MDGA2: variants seen among roughly 807,000 people sequenced by gnomAD.
The protein encoded by MDGA2 is MAM domain-containing glycosylphosphatidylinositol anchor protein 2.
MDGA2 carries 40 observed loss-of-function variants against 117.8 expected under a neutral mutation model. The ratio of observed to expected loss-of-function variants is 0.34; its 90% CI spans 0.26 to 0.44. MDGA2 has a LOEUF of 0.44. Ranked by LOEUF, MDGA2 falls within the 20% of genes least tolerant of loss-of-function variation. MDGA2 has a pLI of 1.00. For missense variants in MDGA2, 1,123 were observed against 1,250.6 expected (o/e 0.90, Z 1.54); for synonymous variants, 452 against 439.0 (o/e 1.03, Z -0.37).
chr14:46,890,541 C>T (rs1027039294), intron 10 of MDGA2, among the ~76,000 whole-genome samples: 16 of 152,018 alleles, frequency 1.1e-4, no homozygotes, highest in Admixed American at 1.3e-4. Flanking sequence ...AACACAGCAG[C>T]CCTCAGGTAA....
At chr14:47,044,386 G>A (rs909855833) in intron 7 of MDGA2, among the ~76,000 whole-genome samples, 2 of 152,070 alleles carry the variant, frequency 1.3e-5, no homozygotes, top group Non-Finnish European at 2.9e-5. Flanking sequence ...TGGTAATATT[G>A]AGTAATTTGT....
At chr14:47,557,109 T>C (rs1202521107) in intron 1 of MDGA2, among the ~76,000 whole-genome samples, 1 of 152,188 alleles carries the variant, frequency 6.6e-6, no homozygotes, top group Admixed American at 6.5e-5. Context: ...GCATAGTTCA[T>C]TTTATTTTTG....
intron 1 of MDGA2, among the ~76,000 whole-genome samples, chr14:47,619,938 C>A (rs1897020131): frequency 6.6e-6 from 1 of 152,220 alleles, no homozygotes; most frequent in African/African-American, 2.4e-5. Flanking sequence ...CTCATCCCAG[C>A]ACACAGCCAT....
intron 3 of MDGA2, among the ~76,000 whole-genome samples, chr14:47,168,370 T>C (rs1332748761): frequency 6.6e-6 from 1 of 151,758 alleles, no homozygotes; most frequent in African/African-American, 2.4e-5. Context: ...CTATATTCTA[T>C]ATAATTTTTC....
intron 1 of MDGA2, among the ~76,000 whole-genome samples, chr14:47,529,946 G>T (rs911599144): frequency 1.3e-5 from 2 of 152,204 alleles, no homozygotes; most frequent in Admixed American, 6.5e-5. Context: ...CGGAATAAAA[G>T]ATGAAATCCT....
intron 3 of MDGA2, among the ~76,000 whole-genome samples, chr14:47,150,583 T>C (rs1211571968): frequency 1.3e-5 from 2 of 152,120 alleles, no homozygotes; most frequent in African/African-American, 4.8e-5. Context: ...TACCTATCCT[T>C]ATCACAGGTG....
chr14:47,513,264 T>C (rs771865511), intron 1 of MDGA2, among the ~76,000 whole-genome samples: 6 of 152,284 alleles, frequency 3.9e-5, no homozygotes, highest in Non-Finnish European at 7.4e-5. Flanking sequence ...TTGAAGACTT[T>C]CTTTCATTTT....
chr14:47,615,872 T>G (rs549228063), intron 1 of MDGA2, among the ~76,000 whole-genome samples: 1 of 152,234 alleles, frequency 6.6e-6, no homozygotes, highest in East Asian at 1.9e-4. Context: ...GGACTGACCA[T>G]GTCCATTCAG....
At chr14:47,040,930 T>C (rs942124545) in intron 7 of MDGA2, among the ~76,000 whole-genome samples, 4 of 152,034 alleles carry the variant, frequency 2.6e-5, no homozygotes, top group African/African-American at 4.8e-5. Context: ...TGTGAAACAA[T>C]TGAGAAAGAA....
intron 9 of MDGA2, among the ~76,000 whole-genome samples, chr14:46,940,650 A>G (rs1884965593): frequency 6.6e-6 from 1 of 150,932 alleles, no homozygotes; most frequent in African/African-American, 2.4e-5. Context: ...GTTGAACTTA[A>G]TAGTTCCAAA....
chr14:47,645,388 C>G, intron 1 of MDGA2, among the ~76,000 whole-genome samples: 1 of 151,974 alleles, frequency 6.6e-6, no homozygotes. Context: ...CGCATGACAC[C>G]TCGCCCGGCT....
At chr14:47,388,204 G>T (rs916953056) in intron 1 of MDGA2, among the ~76,000 whole-genome samples, 1 of 152,016 alleles carries the variant, frequency 6.6e-6, no homozygotes, top group Non-Finnish European at 1.5e-5. Context: ...AATTATCCTA[G>T]GTATGGAGGC....
intron 2 of MDGA2, among the ~76,000 whole-genome samples, chr14:47,250,706 A>G (rs192322465): frequency 5.3e-5 from 8 of 152,330 alleles, no homozygotes; most frequent in Admixed American, 3.3e-4. Flanking sequence ...TAAACCACCC[A>G]GTTCTAAGTT....
chr14:47,570,308 T>C (rs1276723380), intron 1 of MDGA2, among the ~76,000 whole-genome samples: 4 of 152,160 alleles, frequency 2.6e-5, no homozygotes, highest in Non-Finnish European at 4.4e-5. Flanking sequence ...TTACTTTCAA[T>C]GGCAAAACCA....
chr14:46,977,415 CTTCA>C (rs1351332332), intron 8 of MDGA2, among the ~76,000 whole-genome samples: 1 of 151,778 alleles, frequency 6.6e-6, no homozygotes, highest in Non-Finnish European at 1.5e-5. Flanking sequence ...AAAACAGAGA[CTTCA>C]TTTTCTAGAA....
At chr14:47,364,084 T>C (rs1374616789) in intron 1 of MDGA2, among the ~76,000 whole-genome samples, 1 of 151,984 alleles carries the variant, frequency 6.6e-6, no homozygotes, top group Non-Finnish European at 1.5e-5. Flanking sequence ...GAACCACAGA[T>C]AGAATCTGGA....
intron 2 of MDGA2, among the ~76,000 whole-genome samples, chr14:47,242,531 C>A (rs895048449): frequency 6.6e-6 from 1 of 151,958 alleles, no homozygotes; most frequent in Non-Finnish European, 1.5e-5. Flanking sequence ...GGGCCCCGCA[C>A]TTGGAGCAGC....
intron 1 of MDGA2, among the ~76,000 whole-genome samples, chr14:47,663,110 T>C (rs961969692): frequency 1.3e-5 from 2 of 152,132 alleles, no homozygotes; most frequent in Non-Finnish European, 2.9e-5. Flanking sequence ...AGGAACGAGT[T>C]CAGAACTGAA....
At chr14:46,970,269 A>G (rs57130227) in intron 8 of MDGA2, among the ~76,000 whole-genome samples, 18,041 of 151,906 alleles carry the variant, frequency 0.12, 2,056 homozygotes, top group African/African-American at 0.27. Context: ...AAGAAAGTTA[A>G]AGGCATCATA....
Sources: allele counts gnomAD v4.1 joint callset (sites outside exome capture counted in the v4.1 genomes callset), GRCh38; gene constraint gnomAD v4.1.1; transcripts MANE v1.5; gene names NCBI Gene and HGNC (gene_info 2026-07-23, HGNC 2026-07-21).